The following RABGAP1 variants were observed in gnomAD, a reference collection of about 807,000 sequenced individuals.
The protein encoded by RABGAP1 is RAB GTPase activating protein 1, also known as rab GTPase-activating protein 1.
A neutral mutation model predicts 137.6 loss-of-function variants in RABGAP1; 23 were observed. The observed-to-expected ratio is 0.17, with a 90% CI of 0.12 to 0.24. RABGAP1 has a LOEUF of 0.24. Among genes scored for constraint, RABGAP1 ranks in the 10% least tolerant of loss-of-function variants. The pLI is 1.00. For missense variants in RABGAP1, 906 were observed against 1,275.8 expected, an observed-to-expected ratio of 0.71 and a Z score of 4.42; for synonymous variants, 451 against 450.7, an observed-to-expected ratio of 1.00 and a Z score of -0.01.
intron 2 of RABGAP1, among the ~76,000 whole-genome samples, chr9:122,962,156 C>T (rs1398044703): frequency 6.6e-6 from 1 of 151,624 alleles, no homozygotes; most frequent in Non-Finnish European, 1.5e-5. Flanking sequence ...TTCTATTTCT[C>T]AGTGGAATTG....
intron 1 of RABGAP1, among the ~76,000 whole-genome samples, chr9:122,948,791 A>T (rs1220786952): frequency 6.6e-6 from 1 of 152,168 alleles, no homozygotes; most frequent in African/African-American, 2.4e-5. Flanking sequence ...GTCTTCATCC[A>T]TGTCCACATC....
chr9:123,005,699 T>C (rs2030191243), intron 10 of RABGAP1, among the ~76,000 whole-genome samples: 1 of 152,230 alleles, frequency 6.6e-6, no homozygotes, highest in African/African-American at 2.4e-5. Context: ...TCGTTTGCTG[T>C]TCCAAATAAT....
intron 13 of RABGAP1, among the ~76,000 whole-genome samples, chr9:123,060,555 C>G (rs1301620108): frequency 6.6e-6 from 1 of 152,160 alleles, no homozygotes. Flanking sequence ...ATTTAACTTT[C>G]TGGGAAACTG....
At chr9:122,970,079 T>C (rs1050810058) in intron 2 of RABGAP1, among the ~76,000 whole-genome samples, 2 of 151,378 alleles carry the variant, frequency 1.3e-5, no homozygotes, top group African/African-American at 4.8e-5. Flanking sequence ...GGCTAATTTT[T>C]TTTTTTTTTT....
intron 2 of RABGAP1, chr9:122,971,619 G>T (rs141793811): frequency 1.3e-5 from 2 of 152,072 alleles, no homozygotes; most frequent in African/African-American, 4.8e-5. Flanking sequence ...ATCAAAAAAT[G>T]TAAAAATTAA....
rs2035438049 is a variant in RABGAP1, at chr9:123,104,325, GC to G, written c.*1115del. 1 of 152,378 alleles carries G rather than the reference GC, an allele frequency of 6.6e-6. No individual in the cohort carries two copies. The highest frequency in any genetic ancestry group is 6.6e-5 in the Admixed American group (1 of 15,248). 9.4% of individuals were successfully genotyped at this position (152,378 alleles called of 1,614,324 possible). A position where few individuals can be genotyped will look rare whatever the true frequency, so the allele number is the denominator to read the frequency against. ...CCTCCCAGATGGGCTGGGCCTTTGGGCCCTCCTCAGAGTATGCCTGGGTACA... is the reference window on the plus strand; with the variant it reads ...CCTCCCAGATGGGCTGGGCCTTTGGGCCTCCTCAGAGTATGCCTGGGTACA... On this transcript the variant is annotated 3_prime_UTR_variant, in exon 26 of 26. Coordinates refer to ENST00000373647, the MANE Select transcript of RABGAP1 (RefSeq NM_012197.4).
At chr9:123,031,649 A>G (rs1175692920) in intron 13 of RABGAP1, among the ~76,000 whole-genome samples, 1 of 152,220 alleles carries the variant, frequency 6.6e-6, no homozygotes, top group Non-Finnish European at 1.5e-5. Flanking sequence ...GTGACTCAGA[A>G]CTAAGTGCTT....
intron 13 of RABGAP1, among the ~76,000 whole-genome samples, chr9:123,052,828 T>C (rs1486723606): frequency 6.6e-6 from 1 of 152,164 alleles, no homozygotes; most frequent in Non-Finnish European, 1.5e-5. Flanking sequence ...TAATCCCAGC[T>C]ACTTGGGAGG....
At chr9:123,056,574 C>A (rs1295999252) in intron 13 of RABGAP1, among the ~76,000 whole-genome samples, 1 of 149,148 alleles carries the variant, frequency 6.7e-6, no homozygotes, top group African/African-American at 2.5e-5. Flanking sequence ...GGAAGGTCAG[C>A]AGACAAACAA....
At chr9:122,947,069 C>A (rs1486432272) in intron 1 of RABGAP1, among the ~76,000 whole-genome samples, 1 of 152,032 alleles carries the variant, frequency 6.6e-6, no homozygotes, top group Non-Finnish European at 1.5e-5. Flanking sequence ...CACCTGATAT[C>A]CCCCCTAAAG....
At chr9:122,950,134 A>G (rs1233061210) in intron 1 of RABGAP1, among the ~76,000 whole-genome samples, 1 of 152,196 alleles carries the variant, frequency 6.6e-6, no homozygotes, top group Non-Finnish European at 1.5e-5. Flanking sequence ...ATCAGATCTA[A>G]GTTTTAGAAA....
intron 1 of RABGAP1, among the ~76,000 whole-genome samples, chr9:122,953,032 T>C (rs953303220): frequency 2.0e-5 from 3 of 152,258 alleles, no homozygotes; most frequent in African/African-American, 7.2e-5. Flanking sequence ...TATTTAGATA[T>C]TAACAACTTA....
chr9:123,035,231 C>T (rs776038140), intron 13 of RABGAP1: 2 of 1,614,046 alleles, frequency 1.2e-6, no homozygotes, highest in African/African-American at 1.3e-5. Flanking sequence ...CAACAGCACA[C>T]AAAGGATATC....
intron 6 of RABGAP1, among the ~76,000 whole-genome samples, chr9:122,991,683 G>A (rs937349045): frequency 6.6e-6 from 1 of 150,568 alleles, no homozygotes; most frequent in African/African-American, 2.5e-5. Context: ...ACTCACTGCA[G>A]CCTCAGCCTT....
chr9:123,035,271 G>T, intron 13 of RABGAP1: 1 of 1,614,194 alleles, frequency 6.2e-7, no homozygotes, highest in Non-Finnish European at 8.5e-7. Flanking sequence ...TCAGCAGCCA[G>T]AGTGGGGAGA....
chr9:123,018,167 T>C (rs1248264118), intron 12 of RABGAP1, among the ~76,000 whole-genome samples: 1 of 152,182 alleles, frequency 6.6e-6, no homozygotes, highest in Non-Finnish European at 1.5e-5. Context: ...GCTAATTTTT[T>C]GTATTTTTAG....
chr9:122,940,846 G>C (rs916907633), upstream of RABGAP1: 3 of 152,560 alleles, frequency 2.0e-5, no homozygotes, highest in Non-Finnish European at 4.4e-5. Flanking sequence ...CCTGAGGCGG[G>C]CTGAAAGCCC....
chr9:122,961,840 A>G lies in RABGAP1; in HGVS notation c.150+4631A>G, dbSNP rs1166826410. Among the ~76,000 whole-genome samples the G allele has an allele frequency of 4.7e-4, 72 of 152,196 alleles. 1 individual carries two copies. The highest frequency in any genetic ancestry group is 4.5e-3 in the Admixed American group (69 of 15,274). ...ATGTGGAAATGTAATATGTTTGCCA[A>G]TAATAGGAAAAAGGAGATAAGATAG... On this transcript the variant is annotated intron_variant, in intron 2 of 25. Transcript: ENST00000373647.
intron 2 of RABGAP1, among the ~76,000 whole-genome samples, chr9:122,959,671 A>T (rs1036671194): frequency 6.6e-6 from 1 of 152,188 alleles, no homozygotes; most frequent in Non-Finnish European, 1.5e-5. Context: ...GCTGAGAGAG[A>T]TGGTAACTCT....
Sources: allele counts gnomAD v4.1 joint callset (sites outside exome capture counted in the v4.1 genomes callset), GRCh38; gene constraint gnomAD v4.1.1; transcripts MANE v1.5; gene names NCBI Gene and HGNC (gene_info 2026-07-23, HGNC 2026-07-21).